The following TMCO5A variants were observed in gnomAD, a reference collection of about 807,000 sequenced individuals.
The protein encoded by TMCO5A is transmembrane and coiled-coil domain-containing protein 5A.
In TMCO5A, 34 loss-of-function variants were observed where a neutral mutation model predicts 42.3. The observed-to-expected ratio is 0.80, with a 90% CI of 0.61 to 1.07. The LOEUF (loss-of-function observed/expected upper bound fraction) is 1.07. Ranked by LOEUF, TMCO5A falls within the 50% of genes least tolerant of loss-of-function variation. The probability of loss-of-function intolerance (pLI) is 0.00; values close to 1 mark genes in which losing one functional copy is unlikely to be tolerated. For missense variants in TMCO5A, 357 were observed against 327.9 expected, an observed-to-expected ratio of 1.09 and a Z score of -0.69; for synonymous variants, 131 against 115.6, an observed-to-expected ratio of 1.13 and a Z score of -0.86.
At chr15:38,018,813 T>G in the TMCO5A span, among the ~76,000 whole-genome samples, 1 of 151,890 alleles carries the variant, frequency 6.6e-6, no homozygotes, top group East Asian at 1.9e-4. Context: ...AGGATTAAAA[T>G]TAAAATATTT....
downstream of TMCO5A, among the ~76,000 whole-genome samples, chr15:37,955,255 T>TAAAAAAAAAAAAAAAAAAAAATAAAAAAA: frequency 9.4e-6 from 1 of 106,266 alleles, no homozygotes; most frequent in Non-Finnish European, 1.9e-5. Flanking sequence ...ATTTAAAGAG[T>TAAAAAAAAAAAAAAAAAAAAATAAAAAAA]AAAAAAAAAA....
At chr15:38,000,856 CAGATA>C in the TMCO5A span, among the ~76,000 whole-genome samples, 1 of 152,092 alleles carries the variant, frequency 6.6e-6, no homozygotes, top group African/African-American at 2.4e-5. Flanking sequence ...TCCATGTGGT[CAGATA>C]AGATACTTGA....
At chr15:37,982,689 A>T in the TMCO5A span, among the ~76,000 whole-genome samples, 1 of 143,178 alleles carries the variant, frequency 7.0e-6, no homozygotes, top group Non-Finnish European at 1.5e-5. Flanking sequence ...ATTAACACAT[A>T]TGTTATATGA....
chr15:37,969,651 A>C (rs1595614202), downstream of TMCO5A, among the ~76,000 whole-genome samples: 1 of 152,138 alleles, frequency 6.6e-6, no homozygotes, highest in Admixed American at 6.5e-5. Flanking sequence ...TTATTTCATC[A>C]CCTAGGTAAT....
rs1026866587 is a variant in TMCO5A, at chr15:37,966,093, C to T, written c.669-532C>T. 1.2e-4 allele frequency among the ~76,000 whole-genome samples: 18 copies of T among 152,188 alleles called. No individual in the cohort carries two copies. In the East Asian group the frequency reaches 3.5e-3, roughly 29 times the overall value. On this transcript the variant is annotated intron_variant, in intron 11 of 11. Coordinates refer to the TMCO5A transcript ENST00000559502. ...TCAGCCATAAAAAGAAAATGAGATT[C>T]CATCATTTGCATTGGAACTGGAGGC...
intron 6 of TMCO5A, among the ~76,000 whole-genome samples, chr15:37,940,326 A>C (rs926921117): frequency 2.6e-5 from 4 of 152,110 alleles, no homozygotes; most frequent in Non-Finnish European, 2.9e-5. Context: ...AATTTCCCTT[A>C]TGCTCTGGCC....
At chr15:38,031,995 G>A in the TMCO5A span, among the ~76,000 whole-genome samples, 7 of 149,596 alleles carry the variant, frequency 4.7e-5, no homozygotes, top group Non-Finnish European at 8.9e-5. Flanking sequence ...TGCTTTCGTC[G>A]CCCAGGCTGG....
At chr15:37,943,271 A>G (rs973121582) in intron 9 of TMCO5A, 70 bp from the exon 10 acceptor site, 100 of 1,459,978 alleles carry the variant, frequency 6.8e-5, no homozygotes, top group Non-Finnish European at 9.2e-5. Context: ...CTTTTTTAAA[A>G]TAACCATAGT....
chr15:37,936,443 G>C lies in TMCO5A; in HGVS notation c.120G>C (p.Glu40Asp), dbSNP rs753698372. 3.1e-6 allele frequency: 5 copies of C among 1,612,866 alleles called. No homozygotes were observed. The Admixed American group carries it at 5.0e-5, about 16-fold the overall frequency. The change falls in exon 3 of 12, where the codon GAG becomes GAC. Residue 40 changes from glutamate to aspartate, a missense_variant. Glu to Asp is a conservative substitution (Grantham distance 45). Transcript: ENST00000319669. ...ANQKLLLKIQ[E>D]REDKIQRLES... ...AGAAACTTCTTCTCAAAATCCAAGA[G>C]AGGGAAGATAAGATTCAGAGGTGAG...
chr15:38,032,354 C>G, the TMCO5A span, among the ~76,000 whole-genome samples: 705 of 152,280 alleles, frequency 4.6e-3, 9 homozygotes, highest in African/African-American at 0.016. Context: ...TTAAGGACAG[C>G]AGGCATTTTT....
chr15:37,945,023 C>T (rs1010829591), intron 10 of TMCO5A, among the ~76,000 whole-genome samples: 3 of 152,092 alleles, frequency 2.0e-5, no homozygotes, highest in South Asian at 2.1e-4. Flanking sequence ...CTCTCCCTCC[C>T]ACTACCTCAA....
At chr15:38,018,689 G>T in the TMCO5A span, among the ~76,000 whole-genome samples, 240 of 151,512 alleles carry the variant, frequency 1.6e-3, no homozygotes, top group Middle Eastern at 0.01. Flanking sequence ...AATAATCAAA[G>T]AAATAATAAA....
the TMCO5A span, among the ~76,000 whole-genome samples, chr15:38,021,852 C>G: frequency 6.6e-6 from 1 of 150,430 alleles, no homozygotes; most frequent in African/African-American, 2.5e-5. Context: ...ACCCTGTCAC[C>G]AGGCTGGAGT....
the TMCO5A span, among the ~76,000 whole-genome samples, chr15:37,979,762 G>A: frequency 2.0e-5 from 3 of 152,110 alleles, no homozygotes; most frequent in Non-Finnish European, 4.4e-5. Context: ...GCCAAAAAGG[G>A]CAGGCCTGTC....
intron 10 of TMCO5A, chr15:37,943,649 T>C: frequency 4.4e-6 from 2 of 452,386 alleles, no homozygotes; most frequent in Non-Finnish European, 8.0e-6. Context: ...CTAAGAGAAC[T>C]CAGAATGGAG....
At chr15:38,024,730 T>C in the TMCO5A span, 2 of 152,200 alleles carry the variant, frequency 1.3e-5, no homozygotes, top group African/African-American at 4.8e-5. Context: ...AGGCCTCACA[T>C]AGAGAGACCT....
chr15:37,942,559 G>C, intron 9 of TMCO5A: 1 of 246,680 alleles, frequency 4.1e-6, no homozygotes, highest in South Asian at 1.1e-4. Flanking sequence ...AAGAGTTGGT[G>C]GTCAGTCACC....
the TMCO5A span, among the ~76,000 whole-genome samples, chr15:37,995,687 G>C: frequency 5.3e-5 from 8 of 152,258 alleles, no homozygotes; most frequent in Middle Eastern, 6.8e-3. Flanking sequence ...AGAAGCACAT[G>C]ATCCTTAGGA....
At chr15:38,019,241 A>C in the TMCO5A span, among the ~76,000 whole-genome samples, 1 of 152,190 alleles carries the variant, frequency 6.6e-6, no homozygotes, top group East Asian at 1.9e-4. Flanking sequence ...TGGCACTGTT[A>C]GGAAAAAGAT....
Sources: allele counts gnomAD v4.1 joint callset (sites outside exome capture counted in the v4.1 genomes callset), GRCh38; gene constraint gnomAD v4.1.1; transcripts MANE v1.5; gene names NCBI Gene and HGNC (gene_info 2026-07-23, HGNC 2026-07-21).